Variants in EXT1 observed in about 807,000 individuals in gnomAD.
The protein encoded by EXT1 is exostosin glycosyltransferase 1, also known as exostosin-1.
A neutral mutation model predicts 82.5 loss-of-function variants in EXT1; 20 were observed. That is an observed-to-expected ratio of 0.24 (90% CI 0.17 to 0.35). The LOEUF (loss-of-function observed/expected upper bound fraction) is 0.35, where lower values mean the gene tolerates loss of function less well. EXT1 is among the 10% of genes least tolerant of loss of function. EXT1 has a pLI of 1.00. For missense variants in EXT1, 757 were observed against 936.5 expected (o/e 0.81, Z 2.50); for synonymous variants, 348 against 350.8 (o/e 0.99, Z 0.09).
At chr8:117,825,576 G>T (rs552572471) in intron 4 of EXT1, among the ~76,000 whole-genome samples, 1 of 152,328 alleles carries the variant, frequency 6.6e-6, no homozygotes, top group Non-Finnish European at 1.5e-5. Flanking sequence ...TCAAAGGGAA[G>T]AATGACAGGC....
At chr8:117,825,742 A>G (rs1040225885) in intron 4 of EXT1, among the ~76,000 whole-genome samples, 4 of 152,192 alleles carry the variant, frequency 2.6e-5, no homozygotes, top group Admixed American at 1.3e-4. Context: ...AGCCAGATCA[A>G]TTGTCTATTT....
chr8:118,045,353 A>C (rs1224360217), intron 1 of EXT1, among the ~76,000 whole-genome samples: 1 of 152,196 alleles, frequency 6.6e-6, no homozygotes, highest in Non-Finnish European at 1.5e-5. Context: ...AGACCTAAAC[A>C]AACTAGGGGA....
At chr8:117,971,940 C>T (rs1334169203) in intron 1 of EXT1, among the ~76,000 whole-genome samples, 1 of 152,128 alleles carries the variant, frequency 6.6e-6, no homozygotes, top group Non-Finnish European at 1.5e-5. Context: ...CACCTGAGGT[C>T]TGGAGTTCGA....
intron 1 of EXT1, among the ~76,000 whole-genome samples, chr8:117,900,944 A>G (rs1244503379): frequency 6.6e-6 from 1 of 152,250 alleles, no homozygotes; most frequent in Non-Finnish European, 1.5e-5. Context: ...GCATTCTCCA[A>G]TTCCTACCAA....
At chr8:117,887,130 A>T (rs12549700) in intron 1 of EXT1, among the ~76,000 whole-genome samples, 1 of 152,020 alleles carries the variant, frequency 6.6e-6, no homozygotes, top group Non-Finnish European at 1.5e-5. Flanking sequence ...TTTGTCTTTT[A>T]TTTGTAATAT....
At chr8:117,826,927 G>C (rs1002621733) in intron 4 of EXT1, among the ~76,000 whole-genome samples, 1 of 152,180 alleles carries the variant, frequency 6.6e-6, no homozygotes, top group African/African-American at 2.4e-5. Flanking sequence ...ACATTCAACT[G>C]TTACAATAGA....
rs1055716742 is a variant in EXT1, at chr8:118,072,554, T to C, written c.962+37531A>G. On this transcript the variant is annotated intron_variant, in intron 1 of 10. Transcript: ENST00000378204. ...CCCTGTGACCAGACCGTCAGTACTT[T>C]TGACTTAACATCAATTAATATTTGC... Among the ~76,000 whole-genome samples the C allele has an allele frequency of 9.8e-5, 15 of 152,372 alleles. 2 individuals carry two copies. Among genetic ancestry groups the C allele is most frequent in the Admixed American group, 9.1e-4 (14 of 15,310 alleles).
At chr8:117,804,304 T>C (rs1446618322) in intron 10 of EXT1, among the ~76,000 whole-genome samples, 1 of 152,216 alleles carries the variant, frequency 6.6e-6, no homozygotes, top group East Asian at 1.9e-4. Context: ...GGGCTATCTA[T>C]GAATCAGGAA....
At chr8:117,842,280 G>A (rs1439306143) in intron 1 of EXT1, among the ~76,000 whole-genome samples, 1 of 152,162 alleles carries the variant, frequency 6.6e-6, no homozygotes, top group Non-Finnish European at 1.5e-5. Context: ...GCAAAATGGG[G>A]ATAATACTTA....
At chr8:117,908,439 G>C (rs1454916994) in intron 1 of EXT1, among the ~76,000 whole-genome samples, 1 of 152,046 alleles carries the variant, frequency 6.6e-6, no homozygotes, top group East Asian at 1.9e-4. Context: ...AGACCAGCCT[G>C]GGCAACATGG....
chr8:118,086,798 T>G (rs1442181242), intron 1 of EXT1, among the ~76,000 whole-genome samples: 1 of 152,210 alleles, frequency 6.6e-6, no homozygotes, highest in Non-Finnish European at 1.5e-5. Flanking sequence ...ATTAGATATG[T>G]GTACTTCTAC....
intron 7 of EXT1, among the ~76,000 whole-genome samples, chr8:117,817,160 T>A (rs1343711994): frequency 6.6e-6 from 1 of 152,188 alleles, no homozygotes; most frequent in Non-Finnish European, 1.5e-5. Flanking sequence ...CATGGCTATA[T>A]TTGTCACATT....
chr8:117,993,430 C>T (rs1289239283), intron 1 of EXT1, among the ~76,000 whole-genome samples: 2 of 152,180 alleles, frequency 1.3e-5, no homozygotes, highest in African/African-American at 4.8e-5. Context: ...ACTAAAAATG[C>T]AAACACAGTG....
At chr8:117,949,325 G>A (rs937599246) in intron 1 of EXT1, among the ~76,000 whole-genome samples, 5 of 151,916 alleles carry the variant, frequency 3.3e-5, no homozygotes, top group South Asian at 2.1e-4. Context: ...ATGTAAAATC[G>A]ATGCATCCAT....
At chr8:117,851,649 A>C (rs907612919) in intron 1 of EXT1, among the ~76,000 whole-genome samples, 2 of 144,502 alleles carry the variant, frequency 1.4e-5, no homozygotes, top group African/African-American at 5.2e-5. Flanking sequence ...ACACACACAC[A>C]CCATTATTTA....
At chr8:117,940,669 A>G (rs146367774) in intron 1 of EXT1, among the ~76,000 whole-genome samples, 2 of 152,334 alleles carry the variant, frequency 1.3e-5, no homozygotes, top group East Asian at 1.9e-4. Flanking sequence ...AGAATGAGGC[A>G]TAAGAAGACT....
chr8:118,068,472 T>TC (rs1817029951), intron 1 of EXT1, among the ~76,000 whole-genome samples: 1 of 152,192 alleles, frequency 6.6e-6, no homozygotes, highest in African/African-American at 2.4e-5. Context: ...CCTAATGTTC[T>TC]CCCCACCCCG....
intron 1 of EXT1, among the ~76,000 whole-genome samples, chr8:117,994,725 T>C (rs982706389): frequency 8.5e-5 from 13 of 152,108 alleles, no homozygotes; most frequent in Non-Finnish European, 2.9e-5. Context: ...TCTAGATCCA[T>C]GGAGCTAGCA....
intron 1 of EXT1, among the ~76,000 whole-genome samples, chr8:117,997,308 T>C (rs1486783455): frequency 4.1e-5 from 6 of 147,856 alleles, no homozygotes; most frequent in East Asian, 3.9e-4. Context: ...ACTTTATATA[T>C]ATATAATTTT....
Sources: allele counts gnomAD v4.1 joint callset (sites outside exome capture counted in the v4.1 genomes callset), GRCh38; gene constraint gnomAD v4.1.1; transcripts MANE v1.5; gene names NCBI Gene and HGNC (gene_info 2026-07-23, HGNC 2026-07-21).